The following MOV10L1 variants were observed in gnomAD, a reference collection of about 807,000 sequenced individuals.
MOV10L1 encodes RNA helicase Mov10l1.
MOV10L1 carries 110 observed loss-of-function variants against 143.8 expected under a neutral mutation model. The observed-to-expected ratio is 0.76, with a 90% CI of 0.66 to 0.90. The LOEUF is 0.90. Ranked by LOEUF, MOV10L1 falls within the 40% of genes least tolerant of loss-of-function variation. MOV10L1 has a pLI of 0.00. For missense variants in MOV10L1, 1,406 were observed against 1,526.8 expected (o/e 0.92, Z 1.32); for synonymous variants, 593 against 581.1 (o/e 1.02, Z -0.29).
rs2063324774 is a variant in MOV10L1, at chr22:50,152,410, C to T, written c.2893-635C>T. ...TGAACTCCTGTAGTCGCTGGAGACC[C>T]TCTCTGGCTGCTTACACCAGCACCA... On this transcript the variant is annotated intron_variant, in intron 21 of 26. Coordinates refer to ENST00000262794, the MANE Select transcript of MOV10L1 (RefSeq NM_018995.3). The surrounding 1 kb of genome is among the most constrained non-coding windows in gnomAD (Gnocchi z 4.4). Among the ~76,000 whole-genome samples, 1 of 152,228 alleles carries T rather than the reference C, an allele frequency of 6.6e-6. No individual in the cohort carries two copies. Among genetic ancestry groups the T allele is most frequent in the Non-Finnish European group, 1.5e-5 (1 of 68,028 alleles).
At chr22:50,118,129 T>C (rs1018932945) in intron 9 of MOV10L1, among the ~76,000 whole-genome samples, 2 of 152,096 alleles carry the variant, frequency 1.3e-5, no homozygotes, top group Admixed American at 1.3e-4. Flanking sequence ...CAGTTCAAGA[T>C]GAGGGATTAT....
chr22:50,098,257 A>T (rs560743382), intron 2 of MOV10L1, among the ~76,000 whole-genome samples: 16 of 88,376 alleles, frequency 1.8e-4, no homozygotes, highest in Admixed American at 7.6e-4. Context: ...ATTAAGATTA[A>T]CATCTTAATA....
chr22:50,106,723 A>G (rs904001943), intron 3 of MOV10L1, among the ~76,000 whole-genome samples: 29 of 122,314 alleles, frequency 2.4e-4, no homozygotes, highest in African/African-American at 8.2e-4. Context: ...TTTTTTTGAG[A>G]CGGAATCTCG....
chr22:50,107,510 A>G lies in MOV10L1; in HGVS notation c.443-626A>G, dbSNP rs528173018. ...TACACTTTTTTTTTTTTGAGCTTCC[A>G]GAGTGCTTATTGCAAAATAACAAAA... On this transcript the variant is annotated intron_variant, in intron 3 of 26. Coordinates refer to ENST00000262794, the MANE Select transcript of MOV10L1 (RefSeq NM_018995.3). Among the ~76,000 whole-genome samples, 7 of 151,940 alleles carry G rather than the reference A, an allele frequency of 4.6e-5. No homozygotes were observed. The South Asian group carries it at 1.5e-3, about 31-fold the overall frequency.
At chr22:50,110,098 G>A (rs1176003790) in intron 5 of MOV10L1, among the ~76,000 whole-genome samples, 4 of 152,000 alleles carry the variant, frequency 2.6e-5, no homozygotes, top group African/African-American at 7.3e-5. Context: ...GCAGTGAGGC[G>A]AGATTGCACC....
rs1209772327 is a variant in MOV10L1 at position 50,158,818 on chromosome 22, AACAGATC to A, written c.3216+615_3216+621del. 1 of 152,600 alleles carries A rather than the reference AACAGATC, an allele frequency of 6.6e-6. No individual in the cohort carries two copies. Among genetic ancestry groups the A allele is most frequent in the East Asian group, 1.9e-4 (1 of 5,198 alleles). The allele number at this position is 152,600 out of a possible 1,614,324, so 9.5% of individuals were successfully genotyped here. ...GGTGAGTCCCCTAGGCCATCACAGT[AACAGATC>A]ACCTGTACCGCGCGTGTGCTGACCG... On this transcript the variant is annotated intron_variant, in intron 23 of 26. Coordinates refer to ENST00000262794, the MANE Select transcript of MOV10L1 (RefSeq NM_018995.3). This position sits in a 1 kb window ranked among gnomAD's most constrained non-coding sequence, Gnocchi z 5.0.
chr22:50,108,017 G>A, intron 3 of MOV10L1, 119 bp from the exon 4 acceptor site: 1 of 823,160 alleles, frequency 1.2e-6, no homozygotes, highest in Non-Finnish European at 2.0e-6. Context: ...GTAGTAGAAA[G>A]TGCCTTTTAA....
At chr22:50,146,919 A>T in intron 19 of MOV10L1, 1 of 718,772 alleles carries the variant, frequency 1.4e-6, no homozygotes. Flanking sequence ...CATGTATTTT[A>T]CACTTAGAGC....
intron 8 of MOV10L1, among the ~76,000 whole-genome samples, chr22:50,116,304 G>C (rs867233210): frequency 9.5e-4 from 144 of 151,874 alleles, no homozygotes; most frequent in African/African-American, 3.4e-3. Flanking sequence ...AAAATTAGCT[G>C]GGCGTGGTGG....
intron 17 of MOV10L1, 126 bp from the exon 18 acceptor site, chr22:50,143,971 G>C (rs2063063211): frequency 8.0e-7 from 1 of 1,249,620 alleles, no homozygotes. Context: ...CAGTGTGTTG[G>C]GGGCTGGCAT....
intron 15 of MOV10L1, among the ~76,000 whole-genome samples, chr22:50,140,523 A>G (rs2062951811): frequency 6.6e-6 from 1 of 152,212 alleles, no homozygotes; most frequent in African/African-American, 2.4e-5. Flanking sequence ...TGGGCCACAC[A>G]TAAAATTCAC....
chr22:50,092,139 C>T lies in MOV10L1; in HGVS notation c.236C>T (p.Ala79Val), dbSNP rs1237161695. Residue 79 changes from alanine to valine, a missense_variant, in exon 2 of 27, where the codon GCA (alanine) becomes GTA (valine). By Grantham distance (64) the Ala-to-Val change is moderately conservative. Coordinates refer to ENST00000262794, the MANE Select transcript of MOV10L1 (RefSeq NM_018995.3). ...VLLNVGQEVI[A>V]VVEENKVSNG... is the part of the protein sequence containing the mutation. ...CTGAATGTTGGACAGGAAGTGATTGCAGTTGTGGAAGAAAATAAAGTGTCC... is the reference window on the plus strand; with the variant it reads ...CTGAATGTTGGACAGGAAGTGATTGTAGTTGTGGAAGAAAATAAAGTGTCC... 1 of 1,614,012 alleles carries T rather than the reference C, an allele frequency of 6.2e-7. No individual in the cohort carries two copies. The highest frequency in any genetic ancestry group is 1.3e-5 in the African/African-American group (1 of 74,918).
intron 10 of MOV10L1, among the ~76,000 whole-genome samples, chr22:50,121,538 C>G (rs2062344262): frequency 6.6e-6 from 1 of 152,210 alleles, no homozygotes; most frequent in Non-Finnish European, 1.5e-5. Context: ...GGTGCAAATT[C>G]AATCCACTGC....
intron 9 of MOV10L1, 27 bp downstream of exon 9, chr22:50,117,378 C>G (rs749208097): frequency 2.5e-6 from 4 of 1,605,326 alleles, no homozygotes; most frequent in Non-Finnish European, 3.4e-6. Context: ...GAGTGTGGCT[C>G]TTGGTCTGGC....
At chr22:50,131,732 A>G (rs914515745) in intron 13 of MOV10L1, among the ~76,000 whole-genome samples, 11 of 144,494 alleles carry the variant, frequency 7.6e-5, no homozygotes, top group African/African-American at 2.2e-4. Context: ...GAAAAAAAAA[A>G]AAAGAAAATC....
rs776478293 is a variant in MOV10L1, at chr22:50,092,167, T to C, written c.264T>C (p.Asn88=). Residue 88 remains asparagine, a synonymous_variant, in exon 2 of 27, where the codon AAT becomes AAC. Transcript: ENST00000262794. Reference sequence around the variant, plus strand: ...TTGTGGAAGAAAATAAAGTGTCCAATGGACTGAAAGCAATCAGGGTAAGGT... The same window carrying C: ...TTGTGGAAGAAAATAAAGTGTCCAACGGACTGAAAGCAATCAGGGTAAGGT... ...IAVVEENKVS[N]GLKAIRVEAV... 2 of 1,614,038 alleles carry C rather than the reference T, an allele frequency of 1.2e-6. No individual in the cohort carries two copies. The highest frequency in any genetic ancestry group is 2.2e-5 in the South Asian group (2 of 91,044).
At chr22:50,135,195 G>A (rs2062789854) in intron 15 of MOV10L1, among the ~76,000 whole-genome samples, 1 of 151,792 alleles carries the variant, frequency 6.6e-6, no homozygotes, top group African/African-American at 2.4e-5. Context: ...TGTATTTTTA[G>A]TAGAAACAGG....
chr22:50,090,058 C>A lies in MOV10L1; in HGVS notation c.-31C>A. The A allele has an allele frequency of 8.1e-7, 1 of 1,230,636 alleles. No homozygotes were observed. The highest frequency in any genetic ancestry group is 1.0e-6 in the Non-Finnish European group (1 of 982,862). 76.2% of individuals were successfully genotyped at this position (1,230,636 alleles called of 1,614,324 possible). A position where few individuals can be genotyped will look rare whatever the true frequency, so the allele number is the denominator to read the frequency against. On this transcript the variant is annotated 5_prime_UTR_variant, in exon 1 of 27. Coordinates refer to ENST00000262794, the MANE Select transcript of MOV10L1 (RefSeq NM_018995.3). ...GGGCGCGTGCGGGCGGCGGCAGCGG[C>A]GGTGACGGCAGCCTAGGCCGGGCGA...
At chr22:50,119,411 A>G (rs138230) in intron 9 of MOV10L1, among the ~76,000 whole-genome samples, 35,789 of 152,032 alleles carry the variant, frequency 0.24, 5,161 homozygotes, top group Non-Finnish European at 0.33. Context: ...CCCCAGTGCC[A>G]GGCAACTTTG....
Sources: allele counts gnomAD v4.1 joint callset (sites outside exome capture counted in the v4.1 genomes callset), GRCh38; gene constraint gnomAD v4.1.1; non-coding constraint Gnocchi (gnomAD v3.1); transcripts MANE v1.5; gene names NCBI Gene and HGNC (gene_info 2026-07-23, HGNC 2026-07-21).